Variants in MAPK14 observed in about 807,000 individuals in gnomAD.
MAPK14 encodes the protein mitogen-activated protein kinase 14.
MAPK14 carries 16 observed loss-of-function variants against 49.6 expected under a neutral mutation model. The observed-to-expected ratio is 0.32, with a 90% CI of 0.22 to 0.49. MAPK14 has a LOEUF of 0.49. Ranked by LOEUF, MAPK14 falls within the 20% of genes least tolerant of loss-of-function variation. MAPK14 has a pLI of 0.99. For missense variants in MAPK14, 200 were observed against 441.2 expected (o/e 0.45, Z 4.90); for synonymous variants, 142 against 158.0 (o/e 0.90, Z 0.76).
chr6:36,054,190 T>G (rs1303792422), intron 2 of MAPK14, among the ~76,000 whole-genome samples: 3 of 152,180 alleles, frequency 2.0e-5, no homozygotes, highest in African/African-American at 7.2e-5. Context: ...GTGTATGCTG[T>G]TTTTCATTAC....
At chr6:36,042,397 C>G (rs1300556286) in intron 1 of MAPK14, among the ~76,000 whole-genome samples, 1 of 150,302 alleles carries the variant, frequency 6.7e-6, no homozygotes, top group Non-Finnish European at 1.5e-5. Flanking sequence ...TGCCTCTGTT[C>G]ATTTTGACTC....
At chr6:36,035,484 A>C (rs1361096555) in intron 1 of MAPK14, among the ~76,000 whole-genome samples, 1 of 152,198 alleles carries the variant, frequency 6.6e-6, no homozygotes, top group African/African-American at 2.4e-5. Context: ...TAATAACACT[A>C]CAGTGGTTTC....
In MAPK14 at chr6:36,061,838, T is replaced by C. The variant is rs185602039; in HGVS notation, c.305+2491T>C. On this transcript the variant is annotated intron_variant, in intron 3 of 11. Transcript: ENST00000229794. ...GATGAGAATTGAGGTCGTTGACTTC[T>C]GAAGTGTTTTAAATTACAGAAAGTC... Among the ~76,000 whole-genome samples, 6 of 152,380 alleles carry C rather than the reference T, an allele frequency of 3.9e-5. No individual in the cohort carries two copies. In the East Asian group the frequency reaches 1.2e-3, roughly 29 times the overall value.
At chr6:36,061,605 A>G (rs556936084) in intron 3 of MAPK14, among the ~76,000 whole-genome samples, 27 of 152,364 alleles carry the variant, frequency 1.8e-4, no homozygotes, top group African/African-American at 6.3e-4. Context: ...TCTCATTACT[A>G]CTTGTTGACT....
At chr6:36,054,007 T>TTTTTTTTTTTTTTTTTTTTTTTTTTGAG (rs1562112084) in intron 2 of MAPK14, among the ~76,000 whole-genome samples, 5 of 151,886 alleles carry the variant, frequency 3.3e-5, no homozygotes, top group African/African-American at 9.7e-5. Flanking sequence ...ACCAGAGTTT[T>TTTTTTTTTTTTTTTTTTTTTTTTTTGAG]AAGAATGTTC....
At chr6:36,117,074 T>C in the MAPK14 span, among the ~76,000 whole-genome samples, 3 of 152,212 alleles carry the variant, frequency 2.0e-5, no homozygotes, top group Non-Finnish European at 1.5e-5. Flanking sequence ...GCTGGCCAAA[T>C]TGGGGAGGAG....
intron 8 of MAPK14, among the ~76,000 whole-genome samples, chr6:36,080,612 T>C (rs1764717609): frequency 6.6e-6 from 1 of 152,180 alleles, no homozygotes; most frequent in Admixed American, 6.5e-5. Flanking sequence ...GACAGTTGAG[T>C]TGTTTTTACC....
chr6:36,103,816 C>T (rs770528185), intron 10 of MAPK14, among the ~76,000 whole-genome samples: 2 of 152,120 alleles, frequency 1.3e-5, no homozygotes, highest in Admixed American at 6.5e-5. Context: ...GCTATGGTAA[C>T]GAGTATAATC....
At chr6:36,033,320 C>CTTTT (rs67009009) in intron 1 of MAPK14, among the ~76,000 whole-genome samples, 2 of 146,086 alleles carry the variant, frequency 1.4e-5, no homozygotes, top group South Asian at 2.1e-4. Flanking sequence ...CATTTTTCCA[C>CTTTT]TTTTTTTTTT....
the MAPK14 span, among the ~76,000 whole-genome samples, chr6:36,123,187 C>T: frequency 6.6e-6 from 1 of 152,054 alleles, no homozygotes; most frequent in Non-Finnish European, 1.5e-5. Flanking sequence ...TGCAGAGCTT[C>T]AGTGGGAGTG....
intron 8 of MAPK14, among the ~76,000 whole-genome samples, chr6:36,090,913 G>T (rs951772200): frequency 1.2e-4 from 19 of 152,154 alleles, no homozygotes; most frequent in African/African-American, 4.6e-4. Flanking sequence ...TAAACCAAGG[G>T]TCCCTTAAGA....
At chr6:36,100,067 G>A (rs1214457075) in intron 9 of MAPK14, 1 of 685,534 alleles carries the variant, frequency 1.5e-6, no homozygotes, top group African/African-American at 1.8e-5. Flanking sequence ...CTCGGGTAGG[G>A]GGAATGGAGG....
intron 8 of MAPK14, among the ~76,000 whole-genome samples, chr6:36,085,286 C>A (rs111276410): frequency 0.017 from 2,644 of 152,232 alleles, 78 homozygotes; most frequent in African/African-American, 0.06. Flanking sequence ...CAGCTAGCAT[C>A]ATGATGATAG....
intron 1 of MAPK14, among the ~76,000 whole-genome samples, chr6:36,031,249 A>C (rs1762530766): frequency 6.6e-6 from 1 of 151,448 alleles, no homozygotes; most frequent in African/African-American, 2.4e-5. Flanking sequence ...CCTGACCTCA[A>C]GTGATCTGCT....
At chr6:36,048,233 G>A (rs1581748673) in intron 1 of MAPK14, among the ~76,000 whole-genome samples, 1 of 151,538 alleles carries the variant, frequency 6.6e-6, no homozygotes, top group Non-Finnish European at 1.5e-5. Flanking sequence ...TAGTAGAGAC[G>A]GGTTTCACCA....
intron 8 of MAPK14, among the ~76,000 whole-genome samples, chr6:36,094,744 C>T (rs1765379955): frequency 6.6e-6 from 1 of 152,170 alleles, no homozygotes; most frequent in African/African-American, 2.4e-5. Flanking sequence ...GCAGAGTGGC[C>T]CCTGTCCTCG....
chr6:36,119,238 C>CA, the MAPK14 span, among the ~76,000 whole-genome samples: 1 of 152,104 alleles, frequency 6.6e-6, no homozygotes, highest in Non-Finnish European at 1.5e-5. Flanking sequence ...CCAGACAGGT[C>CA]AAAGATTTAA....
At chr6:36,090,046 G>A (rs755394608) in intron 8 of MAPK14, among the ~76,000 whole-genome samples, 6 of 152,128 alleles carry the variant, frequency 3.9e-5, no homozygotes, top group Non-Finnish European at 7.4e-5. Flanking sequence ...AGACATAATG[G>A]GTTAATGGAG....
At position 36,028,217 on chromosome 6, in the gene MAPK14, G is replaced by T; in HGVS notation, c.60G>T (p.Val20=). The T allele has an allele frequency of 6.2e-7, 1 of 1,613,950 alleles. No homozygotes were observed. The change falls in exon 1 of 12, where the codon GTG becomes GTT. Residue 20 remains valine, a synonymous_variant. Coordinates refer to ENST00000229794, the MANE Select transcript of MAPK14 (RefSeq NM_139012.3). The surrounding 1 kb of genome is among the most constrained non-coding windows in gnomAD (Gnocchi z 5.1). Reference sequence around the variant, plus strand: ...AGCTGAACAAGACAATCTGGGAGGTGCCCGAGCGTTACCAGAACCTGTCTC... The same window carrying T: ...AGCTGAACAAGACAATCTGGGAGGTTCCCGAGCGTTACCAGAACCTGTCTC... ...RQELNKTIWE[V]PERYQNLSPV...
Sources: gnomAD v4.1 joint callset for allele counts (sites outside exome capture counted in the v4.1 genomes callset) on GRCh38, gnomAD v4.1.1 for gene constraint, Gnocchi (gnomAD v3.1) non-coding constraint, MANE v1.5 for transcripts, NCBI Gene and HGNC (gene_info 2026-07-23, HGNC 2026-07-21) for gene names.